The following DYNC1I1 variants were observed in gnomAD, a reference collection of about 807,000 sequenced individuals.
DYNC1I1 encodes the protein dynein cytoplasmic 1 intermediate chain 1.
A neutral mutation model predicts 86.6 loss-of-function variants in DYNC1I1; 43 were observed. That is an observed-to-expected ratio of 0.50 (90% CI 0.39 to 0.64). The LOEUF (loss-of-function observed/expected upper bound fraction) is 0.64. DYNC1I1 is among the 30% of genes least tolerant of loss of function. The pLI, the probability that DYNC1I1 is intolerant of heterozygous loss-of-function variation, is 0.00. For synonymous variants in DYNC1I1, 262 were observed against 283.7 expected, an observed-to-expected ratio of 0.92 and a Z score of 0.77; for missense variants, 604 against 788.8, an observed-to-expected ratio of 0.77 and a Z score of 2.81.
intron 6 of DYNC1I1, among the ~76,000 whole-genome samples, chr7:95,948,539 G>C (rs1792466815): frequency 6.6e-6 from 1 of 152,142 alleles, no homozygotes; most frequent in Admixed American, 6.6e-5. Context: ...TTCTTGAGTT[G>C]ACACCTTTGA....
chr7:95,946,219 T>C (rs1186334721), intron 6 of DYNC1I1, among the ~76,000 whole-genome samples: 1 of 152,044 alleles, frequency 6.6e-6, no homozygotes, highest in African/African-American at 2.4e-5. Context: ...ACCTAGGTGA[T>C]GGTTTGATAG....
At chr7:95,790,526 G>C (rs946407139) in intron 1 of DYNC1I1, among the ~76,000 whole-genome samples, 10 of 152,108 alleles carry the variant, frequency 6.6e-5, no homozygotes, top group Non-Finnish European at 1.5e-4. Flanking sequence ...CTGCTTTCTT[G>C]TGAGCAAGGT....
intron 5 of DYNC1I1, 133 bp from the exon 6 acceptor site, chr7:95,869,750 A>C (rs1790112594): frequency 4.6e-6 from 4 of 870,698 alleles, no homozygotes; most frequent in Admixed American, 2.3e-5. Flanking sequence ...GTTCTGCTTC[A>C]TGACCCTGCC....
At chr7:95,880,428 C>T (rs1790422404) in intron 6 of DYNC1I1, among the ~76,000 whole-genome samples, 1 of 152,040 alleles carries the variant, frequency 6.6e-6, no homozygotes. Flanking sequence ...AGTTTCAGGC[C>T]ATCTCCAGTT....
intron 6 of DYNC1I1, among the ~76,000 whole-genome samples, chr7:95,897,514 A>G (rs1790914648): frequency 6.6e-6 from 1 of 152,012 alleles, no homozygotes; most frequent in African/African-American, 2.4e-5. Context: ...CCTTAAAGAG[A>G]AAGAGCCTAT....
intron 10 of DYNC1I1, among the ~76,000 whole-genome samples, chr7:95,996,837 A>G (rs558973269): frequency 1.6e-4 from 24 of 152,328 alleles, no homozygotes; most frequent in African/African-American, 5.1e-4. Flanking sequence ...CAAACATTTC[A>G]GCTCAAAATT....
At chr7:96,041,896 A>C (rs1789063031) in intron 14 of DYNC1I1, among the ~76,000 whole-genome samples, 1 of 152,180 alleles carries the variant, frequency 6.6e-6, no homozygotes, top group Non-Finnish European at 1.5e-5. Flanking sequence ...TAAATATTTT[A>C]CATAGTTATA....
intron 6 of DYNC1I1, among the ~76,000 whole-genome samples, chr7:95,928,004 C>T (rs1053408282): frequency 4.6e-5 from 7 of 152,294 alleles, no homozygotes; most frequent in African/African-American, 1.4e-4. Context: ...TGTGGTGTGG[C>T]GTGGAAGCCT....
chr7:96,008,173 T>C (rs1430698948), intron 10 of DYNC1I1, among the ~76,000 whole-genome samples: 2 of 152,204 alleles, frequency 1.3e-5, no homozygotes, highest in African/African-American at 4.8e-5. Flanking sequence ...TGAATCCACA[T>C]CCTGATTTGC....
intron 10 of DYNC1I1, among the ~76,000 whole-genome samples, chr7:96,004,279 G>T (rs893247197): frequency 2.6e-5 from 4 of 152,102 alleles, no homozygotes; most frequent in Non-Finnish European, 5.9e-5. Context: ...TTAGGTGAAA[G>T]ATTTATCTTC....
chr7:95,938,534 G>A (rs1267584240), intron 6 of DYNC1I1, among the ~76,000 whole-genome samples: 2 of 152,104 alleles, frequency 1.3e-5, no homozygotes, highest in Admixed American at 6.5e-5. Flanking sequence ...TTTGGATGAG[G>A]TAACTTGGCA....
chr7:95,874,055 T>C (rs1414128227), intron 6 of DYNC1I1, among the ~76,000 whole-genome samples: 1 of 152,226 alleles, frequency 6.6e-6, no homozygotes, highest in Non-Finnish European at 1.5e-5. Flanking sequence ...CTTACAGCTG[T>C]CCAGTCCCAT....
At chr7:96,077,276 T>TGG (rs889729995) in intron 15 of DYNC1I1, among the ~76,000 whole-genome samples, 9 of 137,342 alleles carry the variant, frequency 6.6e-5, no homozygotes, top group South Asian at 2.4e-4. Flanking sequence ...TGTGTGTGTG[T>TGG]GGGAGGGGGC....
At chr7:95,958,516 A>G (rs1161502201) in intron 6 of DYNC1I1, among the ~76,000 whole-genome samples, 2 of 152,100 alleles carry the variant, frequency 1.3e-5, no homozygotes, top group Non-Finnish European at 2.9e-5. Context: ...AGCTGTGGTC[A>G]TGCCACTATA....
intron 6 of DYNC1I1, among the ~76,000 whole-genome samples, chr7:95,922,517 G>A (rs567397829): frequency 1.4e-4 from 22 of 152,250 alleles, no homozygotes; most frequent in Non-Finnish European, 2.8e-4. Flanking sequence ...TGAAGCTTGT[G>A]TCCTTCTCAT....
intron 1 of DYNC1I1, among the ~76,000 whole-genome samples, chr7:95,780,245 C>T (rs141560489): frequency 1.1e-3 from 162 of 151,790 alleles, no homozygotes; most frequent in African/African-American, 3.6e-3. Flanking sequence ...ACATCCTTTG[C>T]CTACAATCAC....
At chr7:95,979,831 C>T (rs759278680) in intron 7 of DYNC1I1, among the ~76,000 whole-genome samples, 1 of 151,568 alleles carries the variant, frequency 6.6e-6, no homozygotes, top group African/African-American at 2.4e-5. Context: ...TGAATTTGAT[C>T]GAAGAGATCT....
At chr7:95,927,952 G>T (rs1331116359) in intron 6 of DYNC1I1, among the ~76,000 whole-genome samples, 2 of 152,198 alleles carry the variant, frequency 1.3e-5, no homozygotes, top group Non-Finnish European at 2.9e-5. Flanking sequence ...AGCAGCGTCT[G>T]TTTCACAGAA....
chr7:95,872,896 C>G (rs1313978704), intron 6 of DYNC1I1, among the ~76,000 whole-genome samples: 1 of 152,176 alleles, frequency 6.6e-6, no homozygotes, highest in Non-Finnish European at 1.5e-5. Context: ...AGGTCCTGGG[C>G]TTAGGGAGCC....
Sources: allele counts gnomAD v4.1 joint callset (sites outside exome capture counted in the v4.1 genomes callset), GRCh38; gene constraint gnomAD v4.1.1; transcripts MANE v1.5; gene names NCBI Gene and HGNC (gene_info 2026-07-23, HGNC 2026-07-21).